Variants in SLCO5A1 observed in about 807,000 individuals in gnomAD.
SLCO5A1 encodes organic anion transporter polypeptide-related protein 4.
Under a neutral mutation model 65.1 loss-of-function variants are expected in SLCO5A1, and 39 were observed. The ratio of observed to expected loss-of-function variants is 0.60; its 90% CI spans 0.46 to 0.78. SLCO5A1 has a LOEUF of 0.78. Ranked by LOEUF, SLCO5A1 falls within the 30% of genes least tolerant of loss-of-function variation. SLCO5A1 has a pLI of 0.00. For synonymous variants in SLCO5A1, 438 were observed against 415.7 expected, an observed-to-expected ratio of 1.05 and a Z score of -0.65; for missense variants, 1,029 against 1,069.4, an observed-to-expected ratio of 0.96 and a Z score of 0.53.
chr8:69,731,288 C>A (rs1395037372), intron 5 of SLCO5A1, among the ~76,000 whole-genome samples: 2 of 152,238 alleles, frequency 1.3e-5, no homozygotes, highest in African/African-American at 4.8e-5. Context: ...GCATGAGCTA[C>A]CACACCCAGC....
At chr8:69,797,626 C>G (rs186700788) in intron 2 of SLCO5A1, among the ~76,000 whole-genome samples, 4,150 of 152,060 alleles carry the variant, frequency 0.027, 165 homozygotes, top group African/African-American at 0.093. Flanking sequence ...CACTTCGTGG[C>G]GGGGGGTGGC....
Position 69,679,716 on chromosome 8 carries a change from G to T in SLCO5A1, c.1783-97C>A. On this transcript the variant is annotated intron_variant, in intron 7 of 9. Transcript: ENST00000260126. ...AGTTAAGTAAAAGTACTCTAAAATA[G>T]CTCAAATATTTTTTCAAACACAAAA... The T allele has an allele frequency of 4.0e-6, 6 of 1,491,034 alleles. No individual in the cohort carries two copies. The South Asian group carries it at 7.9e-5, about 20-fold the overall frequency. The allele number at this position is 1,491,034 out of a possible 1,614,324, so 92.4% of individuals were successfully genotyped here.
At chr8:69,827,103 C>T (rs1244535115) in intron 2 of SLCO5A1, among the ~76,000 whole-genome samples, 2 of 134,166 alleles carry the variant, frequency 1.5e-5, no homozygotes, top group African/African-American at 5.7e-5. Flanking sequence ...ACAATGAGAA[C>T]ACATGGACAC....
At chr8:69,782,579 C>CA (rs773987113) in intron 2 of SLCO5A1, among the ~76,000 whole-genome samples, 2,494 of 53,500 alleles carry the variant, frequency 0.047, 38 homozygotes, top group African/African-American at 0.061. Context: ...GACCCTGTCT[C>CA]AAAAAAAAAA....
Position 69,761,918 on chromosome 8 carries a change from A to G in SLCO5A1, c.908-43T>C, listed in dbSNP as rs780277538. On this transcript the variant is annotated intron_variant, in intron 2 of 9. Coordinates refer to ENST00000260126, the MANE Select transcript of SLCO5A1 (RefSeq NM_030958.3). ...GAAATGTGAAATACAGCGACGTTTT[A>G]TTACATGTTAGGAGTTCTCTCATTT... 2.6e-5 allele frequency: 41 copies of G among 1,605,578 alleles called. No homozygotes were observed. The Admixed American group carries it at 7.0e-4, about 27-fold the overall frequency.
At chr8:69,755,152 C>T (rs1274079866) in intron 4 of SLCO5A1, among the ~76,000 whole-genome samples, 1 of 152,044 alleles carries the variant, frequency 6.6e-6, no homozygotes, top group Non-Finnish European at 1.5e-5. Flanking sequence ...CTGTCATCTA[C>T]TAATACTTTT....
chr8:69,673,001 G>A lies in SLCO5A1; in HGVS notation c.2415C>T (p.His805=), dbSNP rs369365867. The part of the protein sequence containing the change: ...CPAFSTQGEF[H]EETGLQKGIQ... ...TCCCTTTTTGCAGGCCAGTCTCTTC[G>A]TGGAATTCTCCCTGGGTGCTGAAAG... The change falls in exon 10 of 10, where the codon CAC becomes CAT. Residue 805 remains histidine (H), a synonymous_variant. Coordinates refer to ENST00000260126, the MANE Select transcript of SLCO5A1 (RefSeq NM_030958.3). 5.6e-6 allele frequency: 9 copies of A among 1,614,048 alleles called. No homozygotes were observed. The highest frequency in any genetic ancestry group is 1.6e-4 in the Middle Eastern group (1 of 6,084).
intron 2 of SLCO5A1, among the ~76,000 whole-genome samples, chr8:69,773,922 T>C (rs1369150372): frequency 6.6e-6 from 1 of 152,238 alleles, no homozygotes; most frequent in African/African-American, 2.4e-5. Flanking sequence ...CATCTACACA[T>C]GGCACCTGCC....
intron 2 of SLCO5A1, among the ~76,000 whole-genome samples, chr8:69,817,281 A>G (rs1820447926): frequency 6.6e-6 from 1 of 152,220 alleles, no homozygotes; most frequent in South Asian, 2.1e-4. Flanking sequence ...TTCACTTAGC[A>G]TAATATCCTC....
intron 2 of SLCO5A1, among the ~76,000 whole-genome samples, chr8:69,812,859 G>T (rs1376058190): frequency 6.6e-6 from 1 of 152,114 alleles, no homozygotes; most frequent in Non-Finnish European, 1.5e-5. Context: ...TATCTTTAAG[G>T]AAGTCTTTCT....
intron 2 of SLCO5A1, among the ~76,000 whole-genome samples, chr8:69,787,092 C>A (rs563527173): frequency 7.7e-4 from 117 of 152,340 alleles, no homozygotes; most frequent in African/African-American, 2.6e-3. Flanking sequence ...AGTCTCACAT[C>A]ATCACCCACA....
rs972301277 is a variant in SLCO5A1, at chr8:69,705,144, A to C, written c.1509T>G (p.Ser503=). Residue 503 remains serine (S), a synonymous_variant, in exon 6 of 10, where the codon TCT becomes TCG. Transcript: ENST00000260126. ...IKKLKLGARE[S]AKLAMICSGV... is the part of the protein sequence containing the mutation. ...CACTGCAGATCATTGCTAGTTTTGC[A>C]GATTCTCTGGCACCAAGTTTCAATT... is the stretch of plus-strand genomic sequence containing the variant. 6 of 1,614,120 alleles carry C rather than the reference A, an allele frequency of 3.7e-6. No individual in the cohort carries two copies. The highest frequency in any genetic ancestry group is 5.1e-6 in the Non-Finnish European group (6 of 1,180,052).
At chr8:69,805,531 C>G (rs1267819781) in intron 2 of SLCO5A1, among the ~76,000 whole-genome samples, 2 of 152,156 alleles carry the variant, frequency 1.3e-5, no homozygotes, top group African/African-American at 4.8e-5. Context: ...TATATTAAAA[C>G]TAGGCAGAGG....
chr8:69,767,889 C>CA (rs746004982), intron 2 of SLCO5A1, among the ~76,000 whole-genome samples: 2,770 of 34,326 alleles, frequency 0.081, 105 homozygotes, highest in East Asian at 0.097. Context: ...GACTCCATCT[C>CA]AAAAAAAAAA....
intron 2 of SLCO5A1, among the ~76,000 whole-genome samples, chr8:69,806,130 A>G (rs1391730407): frequency 6.6e-6 from 1 of 152,232 alleles, no homozygotes; most frequent in East Asian, 1.9e-4. Flanking sequence ...TGAGATGATT[A>G]TGATGTTCAC....
chr8:69,760,756 G>GC, intron 3 of SLCO5A1, among the ~76,000 whole-genome samples: 1 of 152,282 alleles, frequency 6.6e-6, no homozygotes, highest in African/African-American at 2.4e-5. Flanking sequence ...GTTGAGGACT[G>GC]CAAGAACTCA....
At chr8:69,687,805 A>G (rs1294079112) in intron 6 of SLCO5A1, among the ~76,000 whole-genome samples, 1 of 151,706 alleles carries the variant, frequency 6.6e-6, no homozygotes, top group Non-Finnish European at 1.5e-5. Flanking sequence ...ACATTACATT[A>G]TATTGTTATG....
intron 6 of SLCO5A1, among the ~76,000 whole-genome samples, chr8:69,692,075 T>G (rs753223443): frequency 6.6e-6 from 1 of 152,140 alleles, no homozygotes; most frequent in Non-Finnish European, 1.5e-5. Context: ...AGTGAAACCC[T>G]GTCTCTGCTA....
chr8:69,834,006 A>C (rs576784837), intron 1 of SLCO5A1: 1 of 149,160 alleles, frequency 6.7e-6, no homozygotes, highest in Admixed American at 6.7e-5. Flanking sequence ...GGCTGGGCGC[A>C]CGCGGGCCGG....
Sources: allele counts gnomAD v4.1 joint callset (sites outside exome capture counted in the v4.1 genomes callset), GRCh38; gene constraint gnomAD v4.1.1; transcripts MANE v1.5; gene names NCBI Gene and HGNC (gene_info 2026-07-23, HGNC 2026-07-21).